The following UST variants were observed in gnomAD, a reference collection of about 807,000 sequenced individuals.
The protein encoded by UST is chondroitin sulfate 2-O-sulfotransferase.
Under a neutral mutation model 45.6 loss-of-function variants are expected in UST, and 21 were observed. The observed-to-expected ratio is 0.46, with a 90% CI of 0.33 to 0.66. The LOEUF is 0.66. Among genes scored for constraint, UST ranks in the 30% least tolerant of loss-of-function variants. The pLI is 0.02. For missense variants in UST, 463 were observed against 512.4 expected (o/e 0.90, Z 0.93); for synonymous variants, 215 against 200.6 (o/e 1.07, Z -0.61).
At chr6:148,797,185 G>T (rs1776968206) in intron 1 of UST, among the ~76,000 whole-genome samples, 1 of 152,140 alleles carries the variant, frequency 6.6e-6, no homozygotes, top group South Asian at 2.1e-4. Flanking sequence ...GCTGAGGTGG[G>T]AGGAGCACTT....
chr6:148,964,635 A>G, intron 5 of UST, 72 bp downstream of exon 5: 1 of 1,574,134 alleles, frequency 6.4e-7, no homozygotes, highest in South Asian at 1.2e-5. Flanking sequence ...GGGAAGGTTC[A>G]CTCTTCCCTT....
chr6:148,867,044 T>C (rs116950036), intron 1 of UST, among the ~76,000 whole-genome samples: 1 of 152,276 alleles, frequency 6.6e-6, no homozygotes, highest in East Asian at 1.9e-4. Flanking sequence ...ACTTCTCCTA[T>C]GCTCAACTAA....
chr6:148,828,230 A>ATTAT (rs10699115), intron 1 of UST, among the ~76,000 whole-genome samples: 42,490 of 148,634 alleles, frequency 0.29, 6,844 homozygotes, highest in South Asian at 0.43. Context: ...GTTAGTCTAT[A>ATTAT]TTATTTATTT....
intron 1 of UST, among the ~76,000 whole-genome samples, chr6:148,821,980 C>T (rs538083607): frequency 3.3e-5 from 5 of 152,272 alleles, no homozygotes; most frequent in Non-Finnish European, 7.4e-5. Flanking sequence ...ATCCTTTGAG[C>T]GGTTCCCTTA....
chr6:148,799,646 G>A (rs776098859), intron 1 of UST, among the ~76,000 whole-genome samples: 7 of 151,650 alleles, frequency 4.6e-5, no homozygotes, highest in Non-Finnish European at 8.8e-5. Flanking sequence ...TTCCAACCCC[G>A]TTCCCTCCCT....
chr6:148,781,914 G>C (rs1776650783), intron 1 of UST, among the ~76,000 whole-genome samples: 1 of 152,154 alleles, frequency 6.6e-6, no homozygotes, highest in South Asian at 2.1e-4. Context: ...CAGAAAAACA[G>C]ATTCCTTTCA....
chr6:148,819,275 A>G (rs545292335), intron 1 of UST, among the ~76,000 whole-genome samples: 4 of 152,376 alleles, frequency 2.6e-5, no homozygotes, highest in Admixed American at 6.5e-5. Flanking sequence ...AAAAAAAACA[A>G]AAACAAAACT....
rs150182979 is a variant in UST at position 148,886,421 on chromosome 6, C to T, written c.248-565C>T. Among the ~76,000 whole-genome samples the T allele has an allele frequency of 1.1e-4, 16 of 152,256 alleles. 1 individual carries two copies. The East Asian group carries it at 2.5e-3, about 24-fold the overall frequency. On this transcript the variant is annotated intron_variant, in intron 1 of 7. Transcript: ENST00000367463. ...CTTTTATTCATCAGGAAACAATAGC[C>T]GTGCACTCTGAATACACACATGCCA...
chr6:149,061,828 G>A (rs1776659338), intron 7 of UST, among the ~76,000 whole-genome samples: 1 of 152,216 alleles, frequency 6.6e-6, no homozygotes, highest in South Asian at 2.1e-4. Context: ...AAAGTCCTTG[G>A]CACATAGGTC....
chr6:148,835,316 G>C (rs187281155), intron 1 of UST, among the ~76,000 whole-genome samples: 1 of 152,208 alleles, frequency 6.6e-6, no homozygotes, highest in African/African-American at 2.4e-5. Flanking sequence ...TCAGGGACTT[G>C]AGCATCCTTA....
At chr6:148,858,728 A>G (rs1274675766) in intron 1 of UST, among the ~76,000 whole-genome samples, 1 of 151,932 alleles carries the variant, frequency 6.6e-6, no homozygotes, top group Non-Finnish European at 1.5e-5. Context: ...GTTCCCACCT[A>G]TGAGTGAGAA....
At chr6:149,034,701 T>C (rs1374821935) in intron 7 of UST, among the ~76,000 whole-genome samples, 1 of 152,206 alleles carries the variant, frequency 6.6e-6, no homozygotes, top group Non-Finnish European at 1.5e-5. Context: ...CTCATTTTAC[T>C]TCAAGATGTT....
chr6:149,043,021 T>TTCTTTTTC (rs1421057336), intron 7 of UST, among the ~76,000 whole-genome samples: 7 of 118,212 alleles, frequency 5.9e-5, no homozygotes, highest in African/African-American at 8.2e-5. Context: ...CTTTCTTTCT[T>TTCTTTTTC]TTTCTTTCTT....
intron 1 of UST, among the ~76,000 whole-genome samples, chr6:148,779,112 AT>A (rs140936430): frequency 0.14 from 19,240 of 138,114 alleles, 1,273 homozygotes; most frequent in African/African-American, 0.17. Flanking sequence ...TTTGTGGCAC[AT>A]TTTTTTTTTT....
intron 7 of UST, among the ~76,000 whole-genome samples, chr6:149,021,924 G>C (rs1203709244): frequency 6.6e-6 from 1 of 152,132 alleles, no homozygotes; most frequent in East Asian, 1.9e-4. Flanking sequence ...AATTCTCTCT[G>C]GCCCAACTTC....
At chr6:148,792,514 T>C (rs181878681) in intron 1 of UST, among the ~76,000 whole-genome samples, 1 of 152,278 alleles carries the variant, frequency 6.6e-6, no homozygotes, top group East Asian at 1.9e-4. Flanking sequence ...GAACATGAGG[T>C]CCACCTGGCC....
At chr6:149,005,509 G>A (rs1781629105) in intron 5 of UST, 1 of 985,374 alleles carries the variant, frequency 1.0e-6, no homozygotes, top group South Asian at 4.7e-5. Flanking sequence ...CATTTAATGA[G>A]ATAGAATTAG....
chr6:148,814,198 C>G (rs544611065), intron 1 of UST, among the ~76,000 whole-genome samples: 2 of 152,258 alleles, frequency 1.3e-5, no homozygotes, highest in African/African-American at 4.8e-5. Context: ...GTCCCCAGAA[C>G]AGAGGGCAGG....
intron 5 of UST, among the ~76,000 whole-genome samples, chr6:149,001,021 G>T (rs1421388932): frequency 6.7e-6 from 1 of 149,574 alleles, no homozygotes; most frequent in Non-Finnish European, 1.5e-5. Flanking sequence ...TGTTAGGGAA[G>T]AAATATTTGA....
Sources: gnomAD v4.1 joint callset for allele counts (sites outside exome capture counted in the v4.1 genomes callset) on GRCh38, gnomAD v4.1.1 for gene constraint, MANE v1.5 for transcripts, NCBI Gene and HGNC (gene_info 2026-07-23, HGNC 2026-07-21) for gene names.